PLPP4: variants seen among roughly 807,000 people sequenced by gnomAD.
The protein encoded by PLPP4 is diacylglycerol pyrophosphate like 2.
PLPP4 carries 20 observed loss-of-function variants against 32.2 expected under a neutral mutation model. The observed-to-expected ratio is 0.62, with a 90% confidence interval of 0.44 to 0.90. The LOEUF (loss-of-function observed/expected upper bound fraction) is 0.90. Ranked by LOEUF, PLPP4 falls within the 40% of genes least tolerant of loss-of-function variation. The pLI is 0.00. For synonymous variants in PLPP4, 127 were observed against 133.0 expected, an observed-to-expected ratio of 0.95 and a Z score of 0.31; for missense variants, 257 against 353.1, an observed-to-expected ratio of 0.73 and a Z score of 2.18.
intron 5 of PLPP4, among the ~76,000 whole-genome samples, chr10:120,572,274 G>A (rs1292584647): frequency 6.6e-6 from 1 of 152,214 alleles, no homozygotes; most frequent in South Asian, 2.1e-4. Flanking sequence ...GAAATCAGGC[G>A]GATGCTGAGG....
chr10:120,533,868 TC>T (rs1846861803), intron 5 of PLPP4, among the ~76,000 whole-genome samples: 1 of 152,122 alleles, frequency 6.6e-6, no homozygotes, highest in African/African-American at 2.4e-5. Context: ...CTTAGTCCAA[TC>T]CGACTTTGCT....
chr10:120,523,061 C>T (rs1227232912), intron 5 of PLPP4, among the ~76,000 whole-genome samples: 1 of 152,118 alleles, frequency 6.6e-6, no homozygotes, highest in East Asian at 1.9e-4. Context: ...ACTTTGGGAG[C>T]CCAAGGCGGG....
intron 1 of PLPP4, among the ~76,000 whole-genome samples, chr10:120,501,314 G>C (rs200666426): frequency 1.7e-5 from 1 of 60,312 alleles, no homozygotes; most frequent in Admixed American, 1.8e-4. Context: ...TTCATTTCAT[G>C]TCTTAAAAAC....
intron 1 of PLPP4, among the ~76,000 whole-genome samples, chr10:120,486,909 G>A (rs376156515): frequency 2.3e-4 from 35 of 152,326 alleles, no homozygotes; most frequent in African/African-American, 7.9e-4. Flanking sequence ...TCCTGCAGGG[G>A]TCCCAGGTGT....
At chr10:120,479,743 A>C (rs1844112191) in intron 1 of PLPP4, among the ~76,000 whole-genome samples, 1 of 152,238 alleles carries the variant, frequency 6.6e-6, no homozygotes, top group South Asian at 2.1e-4. Flanking sequence ...CGTTGCCTTC[A>C]TTCTAAAACA....
At chr10:120,461,822 G>A (rs34847353) in intron 1 of PLPP4, among the ~76,000 whole-genome samples, 3,078 of 152,348 alleles carry the variant, frequency 0.02, 62 homozygotes, top group Middle Eastern at 0.061. Flanking sequence ...CCTTCTAGGT[G>A]CAAGCATTTG....
chr10:120,530,556 C>T (rs1260730264), intron 5 of PLPP4, among the ~76,000 whole-genome samples: 1 of 152,104 alleles, frequency 6.6e-6, no homozygotes, highest in Non-Finnish European at 1.5e-5. Context: ...TCCGTCTTAT[C>T]TTTGCTAAAC....
Position 120,563,518 on chromosome 10 carries a change from A to AAAATATTTTT in PLPP4, c.446-11613_446-11612insAAATATTTTT, listed in dbSNP as rs1848528892. Among the ~76,000 whole-genome samples the AAAATATTTTT allele has an allele frequency of 4.9e-4, 74 of 152,102 alleles. 3 individuals are homozygous for AAAATATTTTT. The highest frequency in any genetic ancestry group is 1.7e-3 in the African/African-American group (72 of 41,404). On this transcript the variant is annotated intron_variant, in intron 5 of 6. Transcript: ENST00000398250. Reference sequence around the variant, plus strand: ...TAGAGTTATAAAAATCTTGAATTTTAGGCCGGGCGCGGTGGCTCACGCCTG... The same window carrying AAAATATTTTT: ...TAGAGTTATAAAAATCTTGAATTTTAAAATATTTTTGGCCGGGCGCGGTGGCTCACGCCTG...
chr10:120,541,546 G>A (rs1571096), intron 5 of PLPP4, among the ~76,000 whole-genome samples: 32,790 of 152,048 alleles, frequency 0.22, 3,933 homozygotes, highest in Non-Finnish European at 0.27. Flanking sequence ...TCTTAATGAT[G>A]TCCTCCATGG....
intron 1 of PLPP4, among the ~76,000 whole-genome samples, chr10:120,502,062 A>G (rs1185798837): frequency 6.6e-6 from 1 of 152,170 alleles, no homozygotes; most frequent in Non-Finnish European, 1.5e-5. Context: ...GGCTGATAGC[A>G]GAAGTGACTT....
chr10:120,577,649 A>G (rs2134061703), intron 6 of PLPP4, among the ~76,000 whole-genome samples: 1 of 152,336 alleles, frequency 6.6e-6, no homozygotes, highest in Non-Finnish European at 1.5e-5. Flanking sequence ...GGTTAGAACC[A>G]TATTTGGGAA....
Position 120,589,181 on chromosome 10 carries a change from A to AG in PLPP4, c.617-117dup, listed in dbSNP as rs546181766. 277 of 876,570 alleles carry AG rather than the reference A, an allele frequency of 3.2e-4. No individual in the cohort carries two copies. The African/African-American group carries it at 4.2e-3, about 13-fold the overall frequency. 54.3% of individuals were successfully genotyped at this position (876,570 alleles called of 1,614,324 possible). On this transcript the variant is annotated intron_variant, in intron 6 of 6. Coordinates refer to ENST00000398250, the MANE Select transcript of PLPP4 (RefSeq NM_001030059.3). ...TGTGGTTTCTTTCCTTTAGTCTTTC[A>AG]GGGGGTCCTGTAAGCAAACCAGGTC...
In PLPP4 at chr10:120,463,265, A is replaced by G. The variant is rs538591820; in HGVS notation, c.56+5904A>G. ...ATGGTCTCGATCTCCTGACCTCGTG[A>G]TCTGCCCACCTTGGCCTCCCAAAGT... On this transcript the variant is annotated intron_variant, in intron 1 of 6. Coordinates refer to ENST00000398250, the MANE Select transcript of PLPP4 (RefSeq NM_001030059.3). 2.0e-5 allele frequency among the ~76,000 whole-genome samples: 3 copies of G among 152,214 alleles called. No individual in the cohort carries two copies. In the East Asian group the frequency reaches 5.8e-4, roughly 29 times the overall value.
rs935165963 is a variant in PLPP4, at chr10:120,507,718, A to G, written c.165+3792A>G. ...GAGTGAGCCTGTGTGGGTCCTGTCAATAGGAGTTTGTTTGGAGTATCTATG... is the reference window on the plus strand; with the variant it reads ...GAGTGAGCCTGTGTGGGTCCTGTCAGTAGGAGTTTGTTTGGAGTATCTATG... On this transcript the variant is annotated intron_variant, in intron 2 of 6. Transcript: ENST00000398250. 7.9e-5 allele frequency among the ~76,000 whole-genome samples: 12 copies of G among 152,248 alleles called. No individual in the cohort carries two copies. The East Asian group carries it at 1.7e-3, about 22-fold the overall frequency.
At chr10:120,513,758 A>C (rs1204758756) in intron 2 of PLPP4, among the ~76,000 whole-genome samples, 153 bp from the exon 3 acceptor site, 1 of 56,262 alleles carries the variant, frequency 1.8e-5, no homozygotes, top group Non-Finnish European at 3.7e-5. Context: ...ACAGACATAC[A>C]TCATCCTTTT....
intron 1 of PLPP4, among the ~76,000 whole-genome samples, chr10:120,493,784 C>T (rs1844826853): frequency 6.6e-6 from 1 of 152,138 alleles, no homozygotes; most frequent in African/African-American, 2.4e-5. Context: ...TCATACATGA[C>T]ACTCAACACT....
At chr10:120,572,241 C>A (rs989558677) in intron 5 of PLPP4, among the ~76,000 whole-genome samples, 18 of 152,168 alleles carry the variant, frequency 1.2e-4, no homozygotes, top group Non-Finnish European at 4.4e-5. Context: ...CAATGCTGGC[C>A]AAATACAAGT....
chr10:120,480,572 T>A (rs1589737174), intron 1 of PLPP4, among the ~76,000 whole-genome samples: 1 of 152,236 alleles, frequency 6.6e-6, no homozygotes, highest in African/African-American at 2.4e-5. Flanking sequence ...GGATTACACA[T>A]GCAGTCGGCA....
Position 120,575,251 on chromosome 10 carries a change from C to T in PLPP4, c.566C>T (p.Ala189Val). ...GCTGCCATCCTGCCCTTGTACTGCG[C>T]CATGATGATTGCCCTGTCCCGCATG... Reference protein sequence around the residue: ...LCAAILPLYCAMMIALSRMCD... With the variant: ...LCAAILPLYCVMMIALSRMCD... The change falls in exon 6 of 7, where the codon GCC becomes GTC. Residue 189 changes from alanine (A) to valine (V), a missense_variant. By Grantham distance (64) the Ala-to-Val change is moderately conservative. Coordinates refer to ENST00000398250, the MANE Select transcript of PLPP4 (RefSeq NM_001030059.3). 1 of 1,614,132 alleles carries T rather than the reference C, an allele frequency of 6.2e-7. No individual in the cohort carries two copies. The highest frequency in any genetic ancestry group is 8.5e-7 in the Non-Finnish European group (1 of 1,180,030).
Sources: allele counts gnomAD v4.1 joint callset (sites outside exome capture counted in the v4.1 genomes callset), GRCh38; gene constraint gnomAD v4.1.1; transcripts MANE v1.5; gene names NCBI Gene and HGNC (gene_info 2026-07-23, HGNC 2026-07-21).